The following HEATR3 variants were observed in gnomAD, a reference collection of about 807,000 sequenced individuals.
HEATR3 encodes the protein HEAT repeat-containing protein 3.
In HEATR3, 56 loss-of-function variants were observed where a neutral mutation model predicts 72.8. The ratio of observed to expected loss-of-function variants is 0.77; its 90% CI spans 0.62 to 0.96. The LOEUF (loss-of-function observed/expected upper bound fraction) is 0.96. Among genes scored for constraint, HEATR3 ranks in the 40% least tolerant of loss-of-function variants. The probability of loss-of-function intolerance (pLI) is 0.00; values close to 1 mark genes in which losing one functional copy is unlikely to be tolerated. For missense variants in HEATR3, 747 were observed against 831.4 expected (o/e 0.90, Z 1.25); for synonymous variants, 331 against 318.1 (o/e 1.04, Z -0.43).
chr16:50,068,301 TTTTTA>T (rs974784081), intron 2 of HEATR3, among the ~76,000 whole-genome samples: 4 of 152,182 alleles, frequency 2.6e-5, no homozygotes, highest in African/African-American at 9.7e-5. Flanking sequence ...TGCAGTTCGC[TTTTTA>T]TTTTATTTTA....
chr16:50,092,908 A>G (rs2037151789), intron 11 of HEATR3, among the ~76,000 whole-genome samples: 1 of 152,236 alleles, frequency 6.6e-6, no homozygotes, highest in South Asian at 2.1e-4. Context: ...AGAAAAAAGT[A>G]AAAGCAGAAT....
At chr16:50,091,600 C>T (rs921499831) in intron 11 of HEATR3, among the ~76,000 whole-genome samples, 3 of 151,758 alleles carry the variant, frequency 2.0e-5, no homozygotes, top group Non-Finnish European at 4.4e-5. Flanking sequence ...GTTGGCTGGG[C>T]ACGGTGGCTC....
At chr16:50,078,606 AAAT>A (rs1249208210) in intron 6 of HEATR3, 132 bp from the exon 7 acceptor site, 6 of 798,278 alleles carry the variant, frequency 7.5e-6, no homozygotes, top group South Asian at 1.9e-5. Flanking sequence ...GATATTTAAT[AAAT>A]AATGAACAAA....
intron 11 of HEATR3, among the ~76,000 whole-genome samples, chr16:50,090,313 T>C (rs2037081504): frequency 6.6e-6 from 1 of 151,818 alleles, no homozygotes; most frequent in African/African-American, 2.4e-5. Flanking sequence ...ATGATTGTGC[T>C]ACTGTACTCC....
In HEATR3 at chr16:50,100,363, A is replaced by T. The variant is rs2037340437; in HGVS notation, c.1733A>T (p.Glu578Val). 4 of 1,614,018 alleles carry T rather than the reference A, an allele frequency of 2.5e-6. No homozygotes were observed. Among genetic ancestry groups the T allele is most frequent in the Middle Eastern group, 1.6e-4 (1 of 6,062 alleles). ...CTTGCCAAAGAAGATGGTACACTTG[A>T]AACTCTTAAGGTAAAACAATTTGCT... Reference protein sequence around the residue: ...SVLAKEDGTLETLKNIGCFLL... With the variant: ...SVLAKEDGTLVTLKNIGCFLL... Residue 578 changes from glutamate to valine, a missense_variant, in exon 13 of 15, where the codon GAA (glutamate) becomes GTA (valine). By Grantham distance (121) the Glu-to-Val change is moderately radical. Around this residue, in one of 2 missense-constraint regions of HEATR3, gnomAD observed 586 missense variants for 708.8 expected, o/e 0.83. Transcript: ENST00000299192.
intron 13 of HEATR3, among the ~76,000 whole-genome samples, chr16:50,100,994 G>A (rs1333774723): frequency 6.6e-6 from 1 of 152,110 alleles, no homozygotes; most frequent in Non-Finnish European, 1.5e-5. Flanking sequence ...TGAAGTGTGA[G>A]ACTAGTGGAT....
chr16:50,106,486 A>G lies in HEATR3; in HGVS notation c.*1425A>G, dbSNP rs993478688. 1.3e-5 allele frequency: 2 copies of G among 152,142 alleles called. No individual in the cohort carries two copies. Among genetic ancestry groups the G allele is most frequent in the Admixed American group, 6.6e-5 (1 of 15,254 alleles). The allele number at this position is 152,142 out of a possible 1,614,324, so 9.4% of individuals were successfully genotyped here. Reference sequence around the variant, plus strand: ...CGTGGATATTTGTTTGCTAATGCATATTGCTTGGAATATATGTGAGACATT... The same window carrying G: ...CGTGGATATTTGTTTGCTAATGCATGTTGCTTGGAATATATGTGAGACATT... On this transcript the variant is annotated 3_prime_UTR_variant, in exon 15 of 15. Transcript: ENST00000299192.
intron 11 of HEATR3, among the ~76,000 whole-genome samples, chr16:50,089,321 C>T (rs947630706): frequency 3.3e-5 from 5 of 152,048 alleles, no homozygotes; most frequent in Non-Finnish European, 4.4e-5. Flanking sequence ...GCCTACCACA[C>T]GTTACTGTCA....
intron 12 of HEATR3, among the ~76,000 whole-genome samples, chr16:50,096,160 A>G (rs1597172640): frequency 6.6e-6 from 1 of 151,826 alleles, no homozygotes. Context: ...CCCCGTCTCT[A>G]CTAAAAATAC....
chr16:50,097,774 G>T (rs1284035470), intron 12 of HEATR3, among the ~76,000 whole-genome samples: 1 of 152,028 alleles, frequency 6.6e-6, no homozygotes, highest in Non-Finnish European at 1.5e-5. Flanking sequence ...AATTAGCTGG[G>T]TGTGGTGGCA....
At chr16:50,069,872 G>T (rs1300912866) in intron 3 of HEATR3, among the ~76,000 whole-genome samples, 1 of 152,216 alleles carries the variant, frequency 6.6e-6, no homozygotes, top group Non-Finnish European at 1.5e-5. Context: ...TAGGTTTATT[G>T]TGAGGATTAA....
At chr16:50,089,668 C>A (rs778818661) in intron 11 of HEATR3, among the ~76,000 whole-genome samples, 2 of 151,278 alleles carry the variant, frequency 1.3e-5, no homozygotes, top group Non-Finnish European at 3.0e-5. Context: ...AGATGATATT[C>A]TTTTTTTTTC....
intron 14 of HEATR3, among the ~76,000 whole-genome samples, chr16:50,104,464 A>G (rs1400974146): frequency 6.6e-6 from 1 of 152,124 alleles, no homozygotes; most frequent in Non-Finnish European, 1.5e-5. Flanking sequence ...TCCTGGACTC[A>G]AGCAAACCTC....
rs976350345 is a variant in HEATR3, at chr16:50,106,081, C to T, written c.*1020C>T. The T allele has an allele frequency of 2.0e-5, 3 of 152,170 alleles. No individual in the cohort carries two copies. Among genetic ancestry groups the T allele is most frequent in the Non-Finnish European group, 4.4e-5 (3 of 68,036 alleles). 9.4% of individuals were successfully genotyped at this position (152,170 alleles called of 1,614,324 possible). Reference sequence around the variant, plus strand: ...TTTTGCAAAGAAAGAAAATCCAAAGCATTGCTTGGATGTTCTTTTAAGGCA... The same window carrying T: ...TTTTGCAAAGAAAGAAAATCCAAAGTATTGCTTGGATGTTCTTTTAAGGCA... On this transcript the variant is annotated 3_prime_UTR_variant, in exon 15 of 15. Coordinates refer to ENST00000299192, the MANE Select transcript of HEATR3 (RefSeq NM_182922.4).
Position 50,107,013 on chromosome 16 carries a change from C to G in HEATR3, c.*1952C>G, listed in dbSNP as rs1358422991. Among the ~76,000 whole-genome samples the G allele has an allele frequency of 2.0e-5, 3 of 152,148 alleles. 1 individual carries two copies. The highest frequency in any genetic ancestry group is 7.2e-5 in the African/African-American group (3 of 41,426). ...AAGGTATATATGTATGTTTAGTGATCATTTCAGCTAAATGATTGGCCCAAG... is the reference window on the plus strand; with the variant it reads ...AAGGTATATATGTATGTTTAGTGATGATTTCAGCTAAATGATTGGCCCAAG... On this transcript the variant is annotated 3_prime_UTR_variant, in exon 15 of 15. Coordinates refer to ENST00000299192, the MANE Select transcript of HEATR3 (RefSeq NM_182922.4).
At chr16:50,074,888 A>T (rs1284514928) in intron 5 of HEATR3, 1 of 152,144 alleles carries the variant, frequency 6.6e-6, no homozygotes, top group African/African-American at 2.4e-5. Flanking sequence ...AGCCTGAGGC[A>T]GGAGAATGGT....
In HEATR3 at chr16:50,084,563, A is replaced by G. The variant is rs75442741; in HGVS notation, c.1291-6A>G. 8 of 1,604,772 alleles carry G rather than the reference A, an allele frequency of 5.0e-6. No individual in the cohort carries two copies. Among genetic ancestry groups the G allele is most frequent in the Non-Finnish European group, 6.8e-6 (8 of 1,172,942 alleles). On this transcript the variant is annotated splice_polypyrimidine_tract_variant and splice_region_variant and intron_variant, in intron 9 of 14. Coordinates refer to ENST00000299192, the MANE Select transcript of HEATR3 (RefSeq NM_182922.4). Reference sequence around the variant, plus strand: ...ACCTTTGCTTTACTGCCTCTTTTAAATCTAGATTTTTGAGAAAACTGCCTT... The same window carrying G: ...ACCTTTGCTTTACTGCCTCTTTTAAGTCTAGATTTTTGAGAAAACTGCCTT...
intron 2 of HEATR3, 119 bp downstream of exon 2, chr16:50,066,658 C>T: frequency 1.1e-6 from 1 of 944,718 alleles, no homozygotes; most frequent in Non-Finnish European, 1.4e-6. Flanking sequence ...GCCCGGTCTC[C>T]CGTTTGCAGA....
chr16:50,080,318 A>G lies in HEATR3; in HGVS notation c.1041+1300A>G, dbSNP rs1051432184. The G allele has an allele frequency of 2.0e-5, 3 of 150,896 alleles. No individual in the cohort carries two copies. The South Asian group carries it at 6.3e-4, about 32-fold the overall frequency. 9.3% of individuals were successfully genotyped at this position (150,896 alleles called of 1,614,324 possible). Reference sequence around the variant, plus strand: ...GACAAATAACAGAAATGGGAAGGCCACCCTGAACTTGAGTTGCTCACAGAT... The same window carrying G: ...GACAAATAACAGAAATGGGAAGGCCGCCCTGAACTTGAGTTGCTCACAGAT... On this transcript the variant is annotated intron_variant, in intron 7 of 14. Transcript: ENST00000299192.
Sources: allele counts gnomAD v4.1 joint callset (sites outside exome capture counted in the v4.1 genomes callset), GRCh38; gene constraint gnomAD v4.1.1; regional missense constraint gnomAD v4.1.1; transcripts MANE v1.5; gene names NCBI Gene and HGNC (gene_info 2026-07-23, HGNC 2026-07-21).